The following SMIM35 variants were observed in gnomAD, a reference collection of about 807,000 sequenced individuals.
SMIM35 encodes the protein TMPRSS4 antisense RNA 1 (non-protein coding).
In SMIM35 at chr11:118,049,339, A is replaced by ATTTTT. The variant is rs398017739; in HGVS notation, c.8-33535_8-33531dup. Among the ~76,000 whole-genome samples the ATTTTT allele has an allele frequency of 8.2e-4, 69 of 84,006 alleles. 3 individuals carry two copies. The highest frequency in any genetic ancestry group is 3.0e-3 in the African/African-American group (60 of 20,050). The allele number at this position is 84,006 out of a possible 152,430, so 55.1% of individuals were successfully genotyped here. ...TTCTCGCATGTTTGTTCCACCCTTA[A>ATTTTT]TTTTTTTTTTTTTTTTTTTTTTTTT... On this transcript the variant is annotated intron_variant, in intron 1 of 4. Coordinates refer to ENST00000689828, the MANE Select transcript of SMIM35 (RefSeq NM_001394165.1).
At chr11:118,013,153 C>A (rs1355867030) in intron 4 of SMIM35, among the ~76,000 whole-genome samples, 2 of 152,174 alleles carry the variant, frequency 1.3e-5, no homozygotes, top group Non-Finnish European at 2.9e-5. Context: ...CAGAGGAGAC[C>A]CCCTCATTCT....
chr11:118,077,318 C>G (rs985970556), intron 1 of SMIM35: 5 of 1,596,504 alleles, frequency 3.1e-6, no homozygotes, highest in Non-Finnish European at 4.3e-6. Context: ...GAGTGTGGGG[C>G]CCTCTGCTCC....
chr11:118,030,590 G>T (rs2058310043), intron 1 of SMIM35, among the ~76,000 whole-genome samples: 2 of 152,198 alleles, frequency 1.3e-5, no homozygotes, highest in African/African-American at 2.4e-5. Flanking sequence ...GTCCTGAGCA[G>T]CGTGAAGCGG....
intron 1 of SMIM35, among the ~76,000 whole-genome samples, chr11:118,069,231 G>A (rs1452941430): frequency 6.6e-6 from 1 of 152,166 alleles, no homozygotes; most frequent in Non-Finnish European, 1.5e-5. Context: ...TCAACACTTT[G>A]TTTGCAAGGT....
At chr11:118,044,765 C>T in intron 1 of SMIM35, among the ~76,000 whole-genome samples, 1 of 96,810 alleles carries the variant, frequency 1.0e-5, no homozygotes, top group Non-Finnish European at 2.0e-5. Flanking sequence ...GAGTGAGACT[C>T]CATCTCCAAA....
At chr11:118,072,435 C>T (rs190087243) in intron 1 of SMIM35, among the ~76,000 whole-genome samples, 7 of 152,312 alleles carry the variant, frequency 4.6e-5, no homozygotes, top group African/African-American at 9.6e-5. Context: ...TTGCAGTGAG[C>T]GGAGATCGTG....
At chr11:118,049,728 C>T (rs1458836622) in intron 1 of SMIM35, among the ~76,000 whole-genome samples, 7 of 152,124 alleles carry the variant, frequency 4.6e-5, no homozygotes, top group Admixed American at 3.3e-4. Flanking sequence ...TACAAATATA[C>T]TTTATAAATA....
chr11:118,074,656 G>C (rs1026312822), intron 1 of SMIM35, among the ~76,000 whole-genome samples: 1 of 151,962 alleles, frequency 6.6e-6, no homozygotes, highest in African/African-American at 2.4e-5. Flanking sequence ...CTGAGGCGGG[G>C]GAATCCCTTG....
At chr11:118,027,684 C>T (rs2058285785) in intron 1 of SMIM35, among the ~76,000 whole-genome samples, 1 of 152,246 alleles carries the variant, frequency 6.6e-6, no homozygotes, top group Non-Finnish European at 1.5e-5. Context: ...AGACGCCCCT[C>T]ATCCAATCCA....
chr11:118,045,453 T>C (rs1281958477), intron 1 of SMIM35, among the ~76,000 whole-genome samples: 1 of 152,048 alleles, frequency 6.6e-6, no homozygotes, highest in African/African-American at 2.4e-5. Flanking sequence ...ATAGGGTTTA[T>C]GAAGAACCAG....
intron 1 of SMIM35, among the ~76,000 whole-genome samples, chr11:118,064,546 G>A (rs1477206096): frequency 5.9e-5 from 9 of 152,218 alleles, no homozygotes; most frequent in Admixed American, 5.2e-4. Flanking sequence ...AGCCTCCTGA[G>A]TAGCTGGGAC....
intron 1 of SMIM35, among the ~76,000 whole-genome samples, chr11:118,054,980 T>C (rs1193584535): frequency 1.3e-5 from 2 of 152,058 alleles, no homozygotes; most frequent in Non-Finnish European, 2.9e-5. Flanking sequence ...ATTTTTGTAT[T>C]TTTTGGTAGA....
rs539909696 is a variant in SMIM35, at chr11:118,072,479, C to T, written c.7+14272G>A. Among the ~76,000 whole-genome samples, 4 of 152,256 alleles carry T rather than the reference C, an allele frequency of 2.6e-5. No homozygotes were observed. In the East Asian group the frequency reaches 7.7e-4, roughly 29 times the overall value. On this transcript the variant is annotated intron_variant, in intron 1 of 4. Transcript: ENST00000689828. Reference sequence around the variant, plus strand: ...CTCCAACCTGGGTGACAGAGCTAGACTCCGTCCTCAAAAAGAAACAACTGG... The same window carrying T: ...CTCCAACCTGGGTGACAGAGCTAGATTCCGTCCTCAAAAAGAAACAACTGG...
At chr11:118,057,705 G>A (rs1034392497) in intron 1 of SMIM35, among the ~76,000 whole-genome samples, 5 of 152,174 alleles carry the variant, frequency 3.3e-5, no homozygotes, top group South Asian at 2.1e-4. Flanking sequence ...GATTCGCCTC[G>A]GAGGCTGAAA....
intron 1 of SMIM35, among the ~76,000 whole-genome samples, chr11:118,061,586 C>T (rs1355426282): frequency 6.6e-6 from 1 of 152,076 alleles, no homozygotes; most frequent in East Asian, 1.9e-4. Flanking sequence ...GTGGGGGATA[C>T]TTCACCTGAG....
chr11:118,031,976 A>G (rs2058323607), intron 1 of SMIM35: 1 of 151,896 alleles, frequency 6.6e-6, no homozygotes, highest in South Asian at 2.1e-4. Context: ...GTCTCTAACA[A>G]AAAAATACAA....
At position 118,063,845 on chromosome 11, in the gene SMIM35, C is replaced by T. The variant is rs1177748168; in HGVS notation, c.7+22906G>A. On this transcript the variant is annotated intron_variant, in intron 1 of 4. Coordinates refer to ENST00000689828, the MANE Select transcript of SMIM35 (RefSeq NM_001394165.1). ...CATGAAAGCCCCGTGTCCCTTACCC[C>T]ATATCTCACCCTACGTATCTCTTCT... Among the ~76,000 whole-genome samples the T allele has an allele frequency of 4.4e-4, 67 of 152,218 alleles. 1 individual carries two copies. The highest frequency in any genetic ancestry group is 1.6e-4 in the Non-Finnish European group (11 of 68,042).
At chr11:118,042,367 T>C (rs537209210) in intron 1 of SMIM35, among the ~76,000 whole-genome samples, 89 of 152,090 alleles carry the variant, frequency 5.9e-4, no homozygotes, top group Admixed American at 1.8e-3. Flanking sequence ...TTAGATGAAA[T>C]AGACAGATTC....
chr11:118,037,110 C>T lies in SMIM35; in HGVS notation c.8-21301G>A, dbSNP rs12222379. On this transcript the variant is annotated intron_variant, in intron 1 of 4. Transcript: ENST00000689828. Reference sequence around the variant, plus strand: ...CAGCTAGTCCTGTCTCTCAGTCCCCCCTCTCAACAGGAAAACCCAAGTGCT... The same window carrying T: ...CAGCTAGTCCTGTCTCTCAGTCCCCTCTCTCAACAGGAAAACCCAAGTGCT... 7.0e-3 allele frequency among the ~76,000 whole-genome samples: 1,066 copies of T among 152,266 alleles called. 13 individuals are homozygous for T. The highest frequency in any genetic ancestry group is 0.025 in the African/African-American group (1,019 of 41,568).
Sources: allele counts gnomAD v4.1 joint callset (sites outside exome capture counted in the v4.1 genomes callset), GRCh38; gene constraint gnomAD v4.1.1; transcripts MANE v1.5; gene names NCBI Gene and HGNC (gene_info 2026-07-23, HGNC 2026-07-21).